The following PPARGC1A variants were observed in gnomAD, a reference collection of about 807,000 sequenced individuals.
PPARGC1A encodes peroxisome proliferator-activated receptor gamma coactivator 1-alpha.
In PPARGC1A, 25 loss-of-function variants were observed where a neutral mutation model predicts 88.7. That is an observed-to-expected ratio of 0.28 (90% CI 0.21 to 0.39). PPARGC1A has a LOEUF of 0.39. PPARGC1A is among the 10% of genes least tolerant of loss of function. PPARGC1A has a pLI of 1.00. For missense variants in PPARGC1A, 880 were observed against 968.7 expected (o/e 0.91, Z 1.22); for synonymous variants, 363 against 355.6 (o/e 1.02, Z -0.24).
At chr4:24,336,414 T>C in the PPARGC1A span, among the ~76,000 whole-genome samples, 1 of 152,176 alleles carries the variant, frequency 6.6e-6, no homozygotes, top group Non-Finnish European at 1.5e-5. Flanking sequence ...TTTTCACGGC[T>C]TTTTCTTACT....
the PPARGC1A span, among the ~76,000 whole-genome samples, chr4:24,181,794 G>C: frequency 6.6e-6 from 1 of 152,106 alleles, no homozygotes; most frequent in Non-Finnish European, 1.5e-5. Flanking sequence ...AATCAAGCAA[G>C]AAAATCTAAC....
the PPARGC1A span, among the ~76,000 whole-genome samples, chr4:24,394,624 T>A: frequency 1.3e-5 from 2 of 152,200 alleles, no homozygotes; most frequent in South Asian, 2.1e-4. Flanking sequence ...TAAATGTTCC[T>A]CCCCAATGGT....
chr4:24,150,410 C>A, the PPARGC1A span, among the ~76,000 whole-genome samples: 18 of 152,112 alleles, frequency 1.2e-4, no homozygotes. Context: ...CTTGTGGGAG[C>A]AAGAATGAGA....
intron 2 of PPARGC1A, among the ~76,000 whole-genome samples, chr4:23,861,123 G>A (rs1460555822): frequency 6.6e-6 from 1 of 152,208 alleles, no homozygotes; most frequent in South Asian, 2.1e-4. Flanking sequence ...TCAATGTGCT[G>A]CAGTGGGAGT....
At chr4:24,276,727 A>G in the PPARGC1A span, among the ~76,000 whole-genome samples, 2 of 152,314 alleles carry the variant, frequency 1.3e-5, no homozygotes, top group Non-Finnish European at 2.9e-5. Context: ...TACCTAAGAG[A>G]AGAAATAGCT....
At chr4:24,263,678 A>AGATGATGAG in the PPARGC1A span, among the ~76,000 whole-genome samples, 1 of 152,192 alleles carries the variant, frequency 6.6e-6, no homozygotes, top group Non-Finnish European at 1.5e-5. Flanking sequence ...CCCAATGTGA[A>AGATGATGAG]GATGATGAGG....
At chr4:24,388,717 G>A in the PPARGC1A span, among the ~76,000 whole-genome samples, 1 of 151,704 alleles carries the variant, frequency 6.6e-6, no homozygotes, top group African/African-American at 2.4e-5. Flanking sequence ...AGTAACACAG[G>A]AACAGAAAAT....
chr4:24,240,969 G>A, the PPARGC1A span, among the ~76,000 whole-genome samples: 2 of 152,132 alleles, frequency 1.3e-5, no homozygotes, highest in East Asian at 3.9e-4. Context: ...AAATATTTGA[G>A]GATACAAGAG....
chr4:24,170,948 G>C, the PPARGC1A span, among the ~76,000 whole-genome samples: 1 of 152,070 alleles, frequency 6.6e-6, no homozygotes, highest in Non-Finnish European at 1.5e-5. Flanking sequence ...CTGACCCCCT[G>C]GCTGATTCTT....
chr4:23,974,968 T>C, the PPARGC1A span, among the ~76,000 whole-genome samples: 1 of 151,766 alleles, frequency 6.6e-6, no homozygotes, highest in Non-Finnish European at 1.5e-5. Context: ...GTGTCTGTTT[T>C]ATTTAGATAA....
At chr4:24,331,156 C>T in the PPARGC1A span, among the ~76,000 whole-genome samples, 1 of 152,202 alleles carries the variant, frequency 6.6e-6, no homozygotes, top group Non-Finnish European at 1.5e-5. Flanking sequence ...TCCAGAAAAC[C>T]TTGCCCATCC....
intron 2 of PPARGC1A, among the ~76,000 whole-genome samples, chr4:23,844,764 A>C (rs28433866): frequency 1.8e-4 from 8 of 45,574 alleles, no homozygotes; most frequent in African/African-American, 6.8e-4. Context: ...TATATATTAT[A>C]ATAATATATG....
intron 2 of PPARGC1A, among the ~76,000 whole-genome samples, chr4:23,870,737 G>C (rs1345625459): frequency 6.6e-6 from 1 of 152,138 alleles, no homozygotes; most frequent in African/African-American, 2.4e-5. Flanking sequence ...TTTAAAAACA[G>C]TGTACTTCTC....
the PPARGC1A span, among the ~76,000 whole-genome samples, chr4:23,981,038 ACTC>A: frequency 6.6e-6 from 1 of 151,576 alleles, no homozygotes. Flanking sequence ...TTGTCTCTGA[ACTC>A]CTTGTAACTC....
the PPARGC1A span, among the ~76,000 whole-genome samples, chr4:24,470,326 T>TCACACACACA: frequency 9.1e-6 from 1 of 110,320 alleles, no homozygotes; most frequent in Non-Finnish European, 1.9e-5. This position sits in a 1 kb window ranked among gnomAD's most constrained non-coding sequence, Gnocchi z 5.8. Flanking sequence ...ACACACACAC[T>TCACACACACA]CTCTCACACA....
the PPARGC1A span, among the ~76,000 whole-genome samples, chr4:24,386,834 T>G: frequency 6.6e-6 from 1 of 152,186 alleles, no homozygotes; most frequent in African/African-American, 2.4e-5. Context: ...ATTTATAGAT[T>G]TAATGCTATT....
At chr4:23,897,184 T>G (rs910568099) in intron 1 of PPARGC1A, among the ~76,000 whole-genome samples, 5 of 152,226 alleles carry the variant, frequency 3.3e-5, no homozygotes, top group African/African-American at 1.2e-4. Context: ...AGATCATTCT[T>G]CCTACACATG....
At chr4:24,390,598 T>C in the PPARGC1A span, among the ~76,000 whole-genome samples, 1 of 152,118 alleles carries the variant, frequency 6.6e-6, no homozygotes, top group Non-Finnish European at 1.5e-5. Flanking sequence ...TTTTTAACAA[T>C]ATTTTTTACG....
chr4:24,178,893 A>G, the PPARGC1A span, among the ~76,000 whole-genome samples: 2 of 152,216 alleles, frequency 1.3e-5, no homozygotes, highest in African/African-American at 4.8e-5. Context: ...GTAAACTCAT[A>G]TATCACTACA....
Sources: gnomAD v4.1 joint callset for allele counts (sites outside exome capture counted in the v4.1 genomes callset) on GRCh38, gnomAD v4.1.1 for gene constraint, Gnocchi (gnomAD v3.1) non-coding constraint, MANE v1.5 for transcripts, NCBI Gene and HGNC (gene_info 2026-07-23, HGNC 2026-07-21) for gene names.